MND1: variants seen among roughly 807,000 people sequenced by gnomAD.
MND1 encodes meiotic nuclear division protein 1 homolog.
In MND1, 28 loss-of-function variants were observed where a neutral mutation model predicts 35.1. The observed-to-expected ratio is 0.80, with a 90% CI of 0.59 to 1.09. The LOEUF (loss-of-function observed/expected upper bound fraction) is 1.09, where lower values mean the gene tolerates loss of function less well. Among genes scored for constraint, MND1 ranks in the 50% least tolerant of loss-of-function variants. MND1 has a pLI of 0.00. For missense variants in MND1, 213 were observed against 239.6 expected (o/e 0.89, Z 0.73); for synonymous variants, 69 against 70.5 (o/e 0.98, Z 0.11).
intron 7 of MND1, among the ~76,000 whole-genome samples, chr4:153,410,858 G>A (rs1729661484): frequency 6.6e-6 from 1 of 152,082 alleles, no homozygotes; most frequent in South Asian, 2.1e-4. Flanking sequence ...AGGCATGGTG[G>A]CGCACACCTG....
In MND1 at chr4:153,382,491, G is replaced by GA. The variant is rs200738062; in HGVS notation, c.277-11769dup. Among the ~76,000 whole-genome samples, 874 of 152,258 alleles carry GA rather than the reference G, an allele frequency of 5.7e-3. 2 individuals carry two copies. The highest frequency in any genetic ancestry group is 0.041 in the Middle Eastern group (12 of 294). On this transcript the variant is annotated intron_variant, in intron 4 of 7. Transcript: ENST00000240488. ...AATTTTTTGAAATCCAAGTCCTCTT[G>GA]AACCATTCTACTGTAAGAGGCAGAA...
At chr4:153,348,911 C>T (rs145258496) in intron 1 of MND1, among the ~76,000 whole-genome samples, 3 of 152,300 alleles carry the variant, frequency 2.0e-5, no homozygotes, top group Non-Finnish European at 4.4e-5. Flanking sequence ...TGTAAACTCA[C>T]GTTTTCTGAT....
chr4:153,356,891 T>G (rs1223324711), intron 3 of MND1, among the ~76,000 whole-genome samples: 1 of 152,056 alleles, frequency 6.6e-6, no homozygotes, highest in Non-Finnish European at 1.5e-5. Flanking sequence ...GGTGCAGTCC[T>G]GGCACACTGC....
chr4:153,398,801 A>G (rs921364581), intron 6 of MND1, among the ~76,000 whole-genome samples: 1 of 152,250 alleles, frequency 6.6e-6, no homozygotes, highest in Non-Finnish European at 1.5e-5. Context: ...GAAAGTTTTA[A>G]CTAATACCAG....
intron 2 of MND1, among the ~76,000 whole-genome samples, chr4:153,351,859 A>G (rs1773223573): frequency 6.6e-6 from 1 of 152,224 alleles, no homozygotes; most frequent in South Asian, 2.1e-4. Context: ...AATATAAAAA[A>G]CAAGACATGA....
chr4:153,377,155 T>C (rs187360252), intron 4 of MND1, among the ~76,000 whole-genome samples: 38 of 152,300 alleles, frequency 2.5e-4, no homozygotes, highest in African/African-American at 6.7e-4. Context: ...TGGAAGGTAG[T>C]TTGGGGACAT....
chr4:153,371,449 A>G (rs1461021768), intron 4 of MND1, among the ~76,000 whole-genome samples: 7 of 152,052 alleles, frequency 4.6e-5, no homozygotes, highest in Non-Finnish European at 1.0e-4. Flanking sequence ...TAGCTTGGCT[A>G]GGTCTTCTGG....
chr4:153,371,557 A>G (rs1773789645), intron 4 of MND1, among the ~76,000 whole-genome samples: 1 of 152,020 alleles, frequency 6.6e-6, no homozygotes, highest in African/African-American at 2.4e-5. Context: ...AACCTCTTCT[A>G]GCTTCCAACT....
At chr4:153,393,552 T>C (rs2149652615) in intron 4 of MND1, among the ~76,000 whole-genome samples, 1 of 152,068 alleles carries the variant, frequency 6.6e-6, no homozygotes, top group Non-Finnish European at 1.5e-5. Context: ...CTAAATTTTT[T>C]TGTATTTGTT....
In MND1 at chr4:153,386,787, A is replaced by G. The variant is rs531313479; in HGVS notation, c.277-7475A>G. Among the ~76,000 whole-genome samples the G allele has an allele frequency of 2.6e-5, 4 of 152,322 alleles. No homozygotes were observed. The East Asian group carries it at 7.7e-4, about 29-fold the overall frequency. ...ATGCAGATGTGGAAATTTCTCTGAA[A>G]ATAGCAAGGCATAAGACACTAAGTA... On this transcript the variant is annotated intron_variant, in intron 4 of 7. Transcript: ENST00000240488.
At chr4:153,377,484 A>G (rs1728542235) in intron 4 of MND1, among the ~76,000 whole-genome samples, 2 of 152,184 alleles carry the variant, frequency 1.3e-5, no homozygotes, top group Non-Finnish European at 2.9e-5. Context: ...AGGCATTGTG[A>G]TTGATGAGAG....
At chr4:153,392,178 T>C (rs1479093586) in intron 4 of MND1, among the ~76,000 whole-genome samples, 2 of 151,282 alleles carry the variant, frequency 1.3e-5, no homozygotes, top group Non-Finnish European at 2.9e-5. Flanking sequence ...CTCGGCTCAC[T>C]GCAAGCTCCA....
At chr4:153,350,863 A>G (rs1333860591) in intron 2 of MND1, among the ~76,000 whole-genome samples, 2 of 151,862 alleles carry the variant, frequency 1.3e-5, no homozygotes, top group Admixed American at 6.6e-5. Flanking sequence ...TATTTTCATC[A>G]TATACAAATG....
chr4:153,366,874 A>G (rs1213444584), intron 4 of MND1, among the ~76,000 whole-genome samples: 1 of 152,232 alleles, frequency 6.6e-6, no homozygotes, highest in African/African-American at 2.4e-5. Flanking sequence ...AGAAACTGAG[A>G]CACAGAGAGA....
chr4:153,360,402 G>A (rs1335696647), intron 4 of MND1, among the ~76,000 whole-genome samples: 1 of 151,780 alleles, frequency 6.6e-6, no homozygotes, highest in African/African-American at 2.4e-5. Context: ...CAAATCCAGG[G>A]GCATGTAGAT....
intron 4 of MND1, among the ~76,000 whole-genome samples, chr4:153,369,550 T>A (rs144527553): frequency 0.03 from 4,571 of 152,318 alleles, 109 homozygotes; most frequent in South Asian, 0.14. Flanking sequence ...AACATGTTTT[T>A]AAAAACTAAT....
chr4:153,393,590 G>T (rs1199738333), intron 4 of MND1, among the ~76,000 whole-genome samples: 3 of 151,956 alleles, frequency 2.0e-5, no homozygotes, highest in African/African-American at 7.2e-5. Flanking sequence ...TGTTGCCCAG[G>T]CTGGTCTCCA....
At chr4:153,368,930 T>TTAC (rs1773724174) in intron 4 of MND1, among the ~76,000 whole-genome samples, 1 of 152,224 alleles carries the variant, frequency 6.6e-6, no homozygotes, top group Admixed American at 6.5e-5. Flanking sequence ...GAAATAGACA[T>TTAC]TACTATCTCA....
intron 6 of MND1, among the ~76,000 whole-genome samples, chr4:153,403,009 G>A (rs1013722084): frequency 1.2e-4 from 18 of 152,244 alleles, no homozygotes; most frequent in African/African-American, 3.1e-4. Context: ...GGTGGCATGT[G>A]CCTGTAGTAC....
Sources: gnomAD v4.1 joint callset for allele counts (sites outside exome capture counted in the v4.1 genomes callset) on GRCh38, gnomAD v4.1.1 for gene constraint, MANE v1.5 for transcripts, NCBI Gene and HGNC (gene_info 2026-07-23, HGNC 2026-07-21) for gene names.